The following SLC26A7 variants were observed in gnomAD, a reference collection of about 807,000 sequenced individuals.
The protein encoded by SLC26A7 is solute carrier family 26 member 7, also known as anion exchange transporter.
A neutral mutation model predicts 82.5 loss-of-function variants in SLC26A7; 59 were observed. The ratio of observed to expected loss-of-function variants is 0.72; its 90% CI spans 0.58 to 0.89. The LOEUF is 0.89. Ranked by LOEUF, SLC26A7 falls within the 40% of genes least tolerant of loss-of-function variation. The pLI is 0.00. For synonymous variants in SLC26A7, 271 were observed against 274.3 expected (o/e 0.99, Z 0.12); for missense variants, 820 against 793.0 (o/e 1.03, Z -0.41).
At chr8:91,223,739 A>T (rs1427716910) in intron 2 of SLC26A7, among the ~76,000 whole-genome samples, 1 of 152,084 alleles carries the variant, frequency 6.6e-6, no homozygotes, top group Non-Finnish European at 1.5e-5. Flanking sequence ...AGGTTGGGGA[A>T]GTTCTCCTGG....
intron 15 of SLC26A7, among the ~76,000 whole-genome samples, chr8:91,376,697 G>A (rs973196541): frequency 6.6e-6 from 1 of 152,152 alleles, no homozygotes. Context: ...AGTCCAGTAG[G>A]TGGTATTTAA....
rs1460645884 is a variant in SLC26A7 at position 91,307,566 on chromosome 8, G to A, written c.478-10650G>A. Reference sequence around the variant, plus strand: ...TCGCAAGAACAAAAAACCAAACACCGCATATTCTCACTCATAGGTGGGAAT... The same window carrying A: ...TCGCAAGAACAAAAAACCAAACACCACATATTCTCACTCATAGGTGGGAAT... On this transcript the variant is annotated intron_variant, in intron 4 of 18. Transcript: ENST00000276609. 5.7e-5 allele frequency among the ~76,000 whole-genome samples: 8 copies of A among 140,866 alleles called. No individual in the cohort carries two copies. The East Asian group carries it at 6.3e-4, about 11-fold the overall frequency. The allele number at this position is 140,866 out of a possible 152,430, so 92.4% of individuals were successfully genotyped here. A position where few individuals can be genotyped will look rare whatever the true frequency, so the allele number is the denominator to read the frequency against.
intron 2 of SLC26A7, among the ~76,000 whole-genome samples, chr8:91,278,143 C>G (rs531218463): frequency 6.6e-5 from 10 of 152,164 alleles, no homozygotes; most frequent in African/African-American, 2.2e-4. Context: ...AAGTTTTATT[C>G]CTTGGGTGCT....
chr8:91,269,845 C>T (rs996306815), intron 2 of SLC26A7, among the ~76,000 whole-genome samples: 2 of 151,894 alleles, frequency 1.3e-5, no homozygotes, highest in African/African-American at 4.8e-5. Flanking sequence ...CTTAGTCTTT[C>T]CTCTGTTTCA....
intron 2 of SLC26A7, among the ~76,000 whole-genome samples, chr8:91,261,020 A>C (rs1810949240): frequency 6.6e-6 from 1 of 152,126 alleles, no homozygotes; most frequent in Non-Finnish European, 1.5e-5. Context: ...AGCTGGTTAT[A>C]CTGTGGTTTG....
chr8:91,299,105 C>T (rs1165887413), intron 4 of SLC26A7, among the ~76,000 whole-genome samples: 2 of 152,068 alleles, frequency 1.3e-5, no homozygotes, highest in Non-Finnish European at 2.9e-5. Context: ...TCATTTTGTG[C>T]TAATTTTGTG....
rs77553800 is a variant in SLC26A7 at position 91,319,805 on chromosome 8, A to C, written c.642+1425A>C. ...TTTAAGGAAATGACTGTCCATTACC[A>C]CTTGGCCTCTTGAATCATATCTGCA... On this transcript the variant is annotated intron_variant, in intron 5 of 18. Coordinates refer to ENST00000276609, the MANE Select transcript of SLC26A7 (RefSeq NM_052832.4). Among the ~76,000 whole-genome samples the C allele has an allele frequency of 8.7e-3, 1,326 of 152,278 alleles. 12 individuals carry two copies. The highest frequency in any genetic ancestry group is 0.03 in the African/African-American group (1,259 of 41,560).
intron 5 of SLC26A7, among the ~76,000 whole-genome samples, chr8:91,322,599 C>T (rs1253831500): frequency 6.6e-6 from 1 of 152,126 alleles, no homozygotes; most frequent in Non-Finnish European, 1.5e-5. Context: ...ATAAAAATTA[C>T]AAAAATTCCT....
chr8:91,289,400 A>T (rs538892712), intron 3 of SLC26A7, among the ~76,000 whole-genome samples, 154 bp downstream of exon 3: 1 of 152,342 alleles, frequency 6.6e-6, no homozygotes, highest in Admixed American at 6.5e-5. Context: ...CAGATAGTCA[A>T]TATACACTGT....
At chr8:91,342,159 G>A (rs1416263888) in intron 8 of SLC26A7, among the ~76,000 whole-genome samples, 1 of 151,746 alleles carries the variant, frequency 6.6e-6, no homozygotes, top group South Asian at 2.1e-4. Context: ...TCAAACTCCC[G>A]GCTTCAAGAG....
At chr8:91,301,388 T>C (rs1812160369) in intron 4 of SLC26A7, among the ~76,000 whole-genome samples, 1 of 152,196 alleles carries the variant, frequency 6.6e-6, no homozygotes, top group East Asian at 1.9e-4. Context: ...CCTCTGCAGT[T>C]TCTTTTACAA....
At chr8:91,297,758 G>T (rs1470565445) in intron 4 of SLC26A7, among the ~76,000 whole-genome samples, 2 of 152,090 alleles carry the variant, frequency 1.3e-5, no homozygotes, top group African/African-American at 4.8e-5. Flanking sequence ...TATTCCTTCA[G>T]ATTTGAAACC....
At chr8:91,394,412 G>A in intron 18 of SLC26A7, 1 of 1,446,600 alleles carries the variant, frequency 6.9e-7, no homozygotes, top group Non-Finnish European at 9.1e-7. Context: ...AGTTTTTTCT[G>A]CTCTGATATC....
In SLC26A7 at chr8:91,249,776, A is replaced by C; in HGVS notation, c.125A>C (p.Asn42Thr). 6.2e-7 allele frequency: 1 copy of C among 1,612,624 alleles called. No individual in the cohort carries two copies. The highest frequency in any genetic ancestry group is 1.3e-5 in the African/African-American group (1 of 74,916). Residue 42 changes from asparagine to threonine, a missense_variant, in exon 2 of 19, where the codon AAT becomes ACT. Transcript: ENST00000276609. The stretch of plus-strand genomic sequence containing the variant: ...ATTTTGGATTGGGCACCACATTACA[A>C]TCTGAAAGAAAACTTGCTTCCAGAC... ...LPILDWAPHY[N>T]LKENLLPDTV...
intron 2 of SLC26A7, among the ~76,000 whole-genome samples, chr8:91,227,523 A>T (rs780845356): frequency 5.3e-5 from 8 of 152,152 alleles, no homozygotes; most frequent in Non-Finnish European, 1.2e-4. Context: ...TGTGTATCTT[A>T]TTTGTAAATG....
intron 11 of SLC26A7, among the ~76,000 whole-genome samples, chr8:91,361,020 A>C (rs1216299081): frequency 2.0e-5 from 3 of 152,188 alleles, no homozygotes; most frequent in Admixed American, 2.0e-4. Context: ...ATGATCTCAT[A>C]ATAAGTAATA....
At chr8:91,237,376 G>A (rs758844665) in intron 2 of SLC26A7, among the ~76,000 whole-genome samples, 11 of 151,798 alleles carry the variant, frequency 7.2e-5, no homozygotes, top group Non-Finnish European at 7.4e-5. Context: ...ATTTTTATTC[G>A]CTAAATCTGG....
chr8:91,340,285 A>T (rs1038696091), intron 7 of SLC26A7, 119 bp from the exon 8 acceptor site: 2 of 1,276,188 alleles, frequency 1.6e-6, no homozygotes, highest in African/African-American at 3.0e-5. Flanking sequence ...TGGTTTTCTC[A>T]TGGGTATTTC....
At chr8:91,272,109 T>A (rs1401848711) in intron 2 of SLC26A7, among the ~76,000 whole-genome samples, 1 of 152,204 alleles carries the variant, frequency 6.6e-6, no homozygotes, top group Non-Finnish European at 1.5e-5. Context: ...ATTCTATGTC[T>A]CATTCACAGT....
Sources: allele counts gnomAD v4.1 joint callset (sites outside exome capture counted in the v4.1 genomes callset), GRCh38; gene constraint gnomAD v4.1.1; transcripts MANE v1.5; gene names NCBI Gene and HGNC (gene_info 2026-07-23, HGNC 2026-07-21).